VPS13B: variants seen among roughly 807,000 people sequenced by gnomAD.
VPS13B encodes the protein intermembrane lipid transfer protein VPS13B.
Under a neutral mutation model 426.4 loss-of-function variants are expected in VPS13B, and 285 were observed. The observed-to-expected ratio is 0.67, with a 90% CI of 0.61 to 0.74. VPS13B has a LOEUF of 0.74. Ranked by LOEUF, VPS13B falls within the 30% of genes least tolerant of loss-of-function variation. VPS13B has a pLI of 0.00. For missense variants in VPS13B, 4,537 were observed against 4,782.6 expected, an observed-to-expected ratio of 0.95 and a Z score of 1.51; for synonymous variants, 1,676 against 1,676.4, an observed-to-expected ratio of 1.00 and a Z score of 0.01.
At chr8:99,182,491 TA>T (rs1812995129) in intron 16 of VPS13B, among the ~76,000 whole-genome samples, 2 of 152,182 alleles carry the variant, frequency 1.3e-5, no homozygotes, top group African/African-American at 2.4e-5. Context: ...AAATTCTTTT[TA>T]TATTTTACTG....
At chr8:99,823,723 G>T in intron 50 of VPS13B, 109 bp from the exon 51 acceptor site, 1 of 1,158,970 alleles carries the variant, frequency 8.6e-7, no homozygotes. Context: ...AGGTAAAATT[G>T]GTACTGTCCT....
At position 99,418,530 on chromosome 8, in the gene VPS13B, C is replaced by T. The variant is rs1415718899; in HGVS notation, c.3083-13007C>T. On this transcript the variant is annotated intron_variant, in intron 21 of 61. Coordinates refer to ENST00000357162, the MANE Select transcript of VPS13B (RefSeq NM_152564.5). ...TTCTTTCTTTCCTTTCTTTCTTTCT[C>T]TTTCTTTTCTTTTCTTTTCTTTTCT... 1.9e-3 allele frequency among the ~76,000 whole-genome samples: 220 copies of T among 114,084 alleles called. 3 individuals carry two copies. Among genetic ancestry groups the T allele is most frequent in the African/African-American group, 6.7e-3 (202 of 30,030 alleles). 74.8% of individuals were successfully genotyped at this position (114,084 alleles called of 152,430 possible). A position where few individuals can be genotyped will look rare whatever the true frequency, so the allele number is the denominator to read the frequency against.
chr8:99,702,926 T>C (rs1412685570), intron 36 of VPS13B, among the ~76,000 whole-genome samples: 2 of 152,102 alleles, frequency 1.3e-5, no homozygotes, highest in African/African-American at 2.4e-5. Context: ...AGAAACACCA[T>C]TGAGAATGTG....
intron 3 of VPS13B, among the ~76,000 whole-genome samples, chr8:99,055,803 C>T (rs1351252606): frequency 1.3e-5 from 2 of 151,970 alleles, no homozygotes; most frequent in East Asian, 1.9e-4. Flanking sequence ...GATCATGGCT[C>T]ACTGCAGCCT....
intron 17 of VPS13B, among the ~76,000 whole-genome samples, chr8:99,232,868 G>A (rs866116733): frequency 6.6e-5 from 10 of 152,130 alleles, no homozygotes; most frequent in Admixed American, 2.6e-4. Context: ...ACCTTCCCCC[G>A]CCTCCTTGGC....
rs1018888974 is a variant in VPS13B, at chr8:99,054,825, A to G, written c.291+16259A>G. On this transcript the variant is annotated intron_variant, in intron 3 of 61. Coordinates refer to ENST00000357162, the MANE Select transcript of VPS13B (RefSeq NM_152564.5). ...TTGGTGGTCCAAGCACTATTTGTTGAAGAGTCTTTTCTTTGCCCACTGAAT... is the reference window on the plus strand; with the variant it reads ...TTGGTGGTCCAAGCACTATTTGTTGGAGAGTCTTTTCTTTGCCCACTGAAT... Among the ~76,000 whole-genome samples, 3 of 152,110 alleles carry G rather than the reference A, an allele frequency of 2.0e-5. 1 individual carries two copies. The highest frequency in any genetic ancestry group is 7.2e-5 in the African/African-American group (3 of 41,424).
At chr8:99,312,617 C>G (rs1318755219) in intron 19 of VPS13B, among the ~76,000 whole-genome samples, 1 of 152,138 alleles carries the variant, frequency 6.6e-6, no homozygotes, top group Non-Finnish European at 1.5e-5. Flanking sequence ...TCCTTCATTT[C>G]AACTTTGGTG....
intron 19 of VPS13B, among the ~76,000 whole-genome samples, chr8:99,304,793 C>T (rs142472148): frequency 1.5e-4 from 23 of 152,216 alleles, no homozygotes; most frequent in Non-Finnish European, 3.2e-4. Flanking sequence ...GGGCAATCAA[C>T]AAATTCTGAG....
At chr8:99,499,562 G>A (rs1259931884) in intron 25 of VPS13B, among the ~76,000 whole-genome samples, 1 of 152,028 alleles carries the variant, frequency 6.6e-6, no homozygotes, top group African/African-American at 2.4e-5. Context: ...TATTTAATAA[G>A]CATCCTTATC....
At chr8:99,478,447 G>GTTTTGTTTTTTTTTTTTTTT (rs1819822769) in intron 24 of VPS13B, among the ~76,000 whole-genome samples, 6 of 85,776 alleles carry the variant, frequency 7.0e-5, no homozygotes, top group Admixed American at 1.4e-4. Flanking sequence ...TTTTTGTTTT[G>GTTTTGTTTTTTTTTTTTTTT]TTTTTTTTTT....
At chr8:99,802,404 T>C (rs1189253321) in intron 43 of VPS13B, among the ~76,000 whole-genome samples, 1 of 152,190 alleles carries the variant, frequency 6.6e-6, no homozygotes, top group East Asian at 1.9e-4. Context: ...AAATGTGTAA[T>C]TTCTTTTTAC....
At chr8:99,120,505 G>A (rs1847884885) in intron 7 of VPS13B, 1 of 152,128 alleles carries the variant, frequency 6.6e-6, no homozygotes, top group Admixed American at 6.5e-5. Flanking sequence ...TCTTTGGTCT[G>A]CCAGTTTGTA....
At chr8:99,184,045 T>G (rs757410591) in intron 16 of VPS13B, among the ~76,000 whole-genome samples, 3 of 152,246 alleles carry the variant, frequency 2.0e-5, no homozygotes, top group Non-Finnish European at 4.4e-5. Context: ...CCTTGTAACA[T>G]GTATTAGTAC....
At chr8:99,634,483 A>G (rs1322840970) in intron 33 of VPS13B, among the ~76,000 whole-genome samples, 1 of 151,928 alleles carries the variant, frequency 6.6e-6, no homozygotes, top group African/African-American at 2.4e-5. Context: ...AAAACTTGAA[A>G]CTGTAGTACT....
chr8:99,831,750 A>G (rs779097726), intron 51 of VPS13B, among the ~76,000 whole-genome samples: 1 of 152,256 alleles, frequency 6.6e-6, no homozygotes, highest in South Asian at 2.1e-4. Flanking sequence ...AAGTATTACA[A>G]GTAATATAGA....
rs79415841 is a variant in VPS13B, at chr8:99,836,724, T to A, written c.9942+986T>A. ...AGGCTACTGTAATGGTTACAAACCATATATTAAAGTTACAAATGCATTTAC... is the reference window on the plus strand; with the variant it reads ...AGGCTACTGTAATGGTTACAAACCAAATATTAAAGTTACAAATGCATTTAC... On this transcript the variant is annotated intron_variant, in intron 54 of 61. Coordinates refer to ENST00000357162, the MANE Select transcript of VPS13B (RefSeq NM_152564.5). Among the ~76,000 whole-genome samples, 327 of 152,354 alleles carry A rather than the reference T, an allele frequency of 2.1e-3. 9 individuals are homozygous for A. In the East Asian group the frequency reaches 0.044, roughly 20 times the overall value.
At chr8:99,813,017 ATAAAT>A (rs1440476653) in intron 44 of VPS13B, among the ~76,000 whole-genome samples, 2 of 152,224 alleles carry the variant, frequency 1.3e-5, no homozygotes, top group African/African-American at 2.4e-5. Flanking sequence ...TCTTCAACTG[ATAAAT>A]TAATCTTGAA....
intron 33 of VPS13B, among the ~76,000 whole-genome samples, chr8:99,606,376 C>T (rs1827574442): frequency 6.6e-6 from 1 of 151,876 alleles, no homozygotes; most frequent in Non-Finnish European, 1.5e-5. Flanking sequence ...AGATGTCTCA[C>T]TGGACTGGAA....
rs1812449735 is a variant in VPS13B at position 99,360,170 on chromosome 8, CTTTCTTTCTT to C, written c.2825-24036_2825-24027del. ...TCTTTCTTTCTTTCTTTCTTTCTTTCTTTCTTTCTTTCTTTCTTTCTCTCTCTCTCTCTCT... is the reference window on the plus strand; with the variant it reads ...TCTTTCTTTCTTTCTTTCTTTCTTTCTCTTTCTTTCTCTCTCTCTCTCTCT... On this transcript the variant is annotated intron_variant, in intron 19 of 61. Coordinates refer to ENST00000357162, the MANE Select transcript of VPS13B (RefSeq NM_152564.5). 1.3e-4 allele frequency among the ~76,000 whole-genome samples: 5 copies of C among 37,410 alleles called. 1 individual carries two copies. Among genetic ancestry groups the C allele is most frequent in the African/African-American group, 5.1e-4 (4 of 7,804 alleles). 24.5% of individuals were successfully genotyped at this position (37,410 alleles called of 152,430 possible). A position where few individuals can be genotyped will look rare whatever the true frequency, so the allele number is the denominator to read the frequency against.
Sources: gnomAD v4.1 joint callset for allele counts (sites outside exome capture counted in the v4.1 genomes callset) on GRCh38, gnomAD v4.1.1 for gene constraint, MANE v1.5 for transcripts, NCBI Gene and HGNC (gene_info 2026-07-23, HGNC 2026-07-21) for gene names.